NHEJ1: variants seen among roughly 807,000 people sequenced by gnomAD.
NHEJ1 encodes non-homologous end-joining factor 1.
In NHEJ1, 22 loss-of-function variants were observed where a neutral mutation model predicts 39.4. That is an observed-to-expected ratio of 0.56 (90% CI 0.40 to 0.80). The LOEUF (loss-of-function observed/expected upper bound fraction) is 0.80, where lower values mean the gene tolerates loss of function less well. Among genes scored for constraint, NHEJ1 ranks in the 30% least tolerant of loss-of-function variants. The probability of loss-of-function intolerance (pLI) is 0.00; values close to 1 mark genes in which losing one functional copy is unlikely to be tolerated. For missense variants in NHEJ1, 329 were observed against 357.1 expected (o/e 0.92, Z 0.63); for synonymous variants, 154 against 135.6 (o/e 1.14, Z -0.94).
chr2:219,129,618 C>A (rs561759531), intron 5 of NHEJ1, among the ~76,000 whole-genome samples: 25 of 152,338 alleles, frequency 1.6e-4, no homozygotes, highest in Middle Eastern at 3.4e-3. Context: ...GGACTCCCCC[C>A]ACTCCAGGCC....
At chr2:219,084,462 C>T (rs16859517) in intron 5 of NHEJ1, among the ~76,000 whole-genome samples, 9,083 of 152,262 alleles carry the variant, frequency 0.06, 869 homozygotes, top group East Asian at 0.46. Flanking sequence ...ACACAGAAAT[C>T]TACCCAGTAA....
At chr2:219,158,085 G>T in intron 2 of NHEJ1, 101 bp downstream of exon 2, 2 of 1,099,030 alleles carry the variant, frequency 1.8e-6, no homozygotes, top group South Asian at 1.2e-5. Context: ...ACATTAACTG[G>T]AATTGTCTCA....
At chr2:219,099,784 G>GGCAGAAAAGACA (rs1949239730) in intron 5 of NHEJ1, among the ~76,000 whole-genome samples, 1 of 152,190 alleles carries the variant, frequency 6.6e-6, no homozygotes, top group Admixed American at 6.6e-5. Context: ...CATGGGAAAA[G>GGCAGAAAAGACA]TCTTTAGGGG....
At chr2:219,154,252 T>C (rs187251883) in intron 3 of NHEJ1, among the ~76,000 whole-genome samples, 272 of 152,292 alleles carry the variant, frequency 1.8e-3, no homozygotes, top group Middle Eastern at 6.8e-3. Context: ...TACAGCATGA[T>C]ACTATTTGTC....
chr2:219,092,521 T>C (rs116569735), intron 5 of NHEJ1, among the ~76,000 whole-genome samples: 2,939 of 152,314 alleles, frequency 0.019, 107 homozygotes, highest in African/African-American at 0.067. Flanking sequence ...GTATCTGTGA[T>C]TTCTACTGGT....
intron 5 of NHEJ1, among the ~76,000 whole-genome samples, chr2:219,142,112 A>G (rs886799386): frequency 6.6e-6 from 1 of 151,980 alleles, no homozygotes; most frequent in Non-Finnish European, 1.5e-5. Context: ...AGTCAAATCA[A>G]TGTTAACTAT....
chr2:219,147,592 T>C lies in NHEJ1; in HGVS notation c.529+65A>G, dbSNP rs576486559. ...TCTCTAATGCAAATGAGTCTCCCTC[T>C]TTGCTAAGACCCTTTGACTATTTTT... On this transcript the variant is annotated intron_variant, in intron 4 of 7. Coordinates refer to ENST00000356853, the MANE Select transcript of NHEJ1 (RefSeq NM_024782.3). 26 of 1,607,106 alleles carry C rather than the reference T, an allele frequency of 1.6e-5. No individual in the cohort carries two copies. In the South Asian group the frequency reaches 2.8e-4, roughly 17 times the overall value.
At chr2:219,100,473 T>C (rs1037876994) in intron 5 of NHEJ1, among the ~76,000 whole-genome samples, 2 of 149,314 alleles carry the variant, frequency 1.3e-5, no homozygotes, top group African/African-American at 4.9e-5. Context: ...TAGCTGGGGA[T>C]GGTAGTGCAC....
chr2:219,083,274 C>T (rs1217018265), intron 5 of NHEJ1, among the ~76,000 whole-genome samples: 1 of 152,022 alleles, frequency 6.6e-6, no homozygotes, highest in Admixed American at 6.5e-5. Flanking sequence ...AATGAAATCC[C>T]TAAATCAAAG....
chr2:219,144,329 A>G (rs1949716362), intron 5 of NHEJ1, among the ~76,000 whole-genome samples: 1 of 152,214 alleles, frequency 6.6e-6, no homozygotes, highest in African/African-American at 2.4e-5. Context: ...TGCATTCAGC[A>G]TGGTCCTTGC....
chr2:219,158,748 C>T, intron 1 of NHEJ1: 1 of 273,302 alleles, frequency 3.7e-6, no homozygotes, highest in Non-Finnish European at 7.2e-6. Flanking sequence ...CACTCCTATC[C>T]TTTCCCAGAA....
At chr2:219,093,575 G>C (rs1439346998) in intron 5 of NHEJ1, among the ~76,000 whole-genome samples, 1 of 151,928 alleles carries the variant, frequency 6.6e-6, no homozygotes, top group South Asian at 2.1e-4. Flanking sequence ...CACTTCTGTG[G>C]AGAAGGGAAC....
intron 5 of NHEJ1, among the ~76,000 whole-genome samples, chr2:219,133,659 A>G (rs2106352489): frequency 6.6e-6 from 1 of 152,386 alleles, no homozygotes; most frequent in Non-Finnish European, 1.5e-5. Context: ...TATTTCTGTC[A>G]TAACAGAAAG....
intron 5 of NHEJ1, among the ~76,000 whole-genome samples, chr2:219,083,184 T>C (rs1949081475): frequency 1.3e-5 from 2 of 152,218 alleles, no homozygotes; most frequent in Admixed American, 1.3e-4. Flanking sequence ...TCTTGAAGTT[T>C]ACATTCTAGA....
intron 5 of NHEJ1, among the ~76,000 whole-genome samples, chr2:219,145,512 C>T (rs1949730551): frequency 6.6e-6 from 1 of 152,122 alleles, no homozygotes; most frequent in Admixed American, 6.5e-5. Flanking sequence ...ACCCTGTCCA[C>T]AAAGAGCTTA....
chr2:219,153,089 C>A (rs1313656115), intron 3 of NHEJ1, among the ~76,000 whole-genome samples: 1 of 152,134 alleles, frequency 6.6e-6, no homozygotes, highest in African/African-American at 2.4e-5. Context: ...AGGTGTGAGC[C>A]ACTGTGCCTG....
intron 3 of NHEJ1, among the ~76,000 whole-genome samples, chr2:219,153,670 T>C (rs1352097613): frequency 9.8e-6 from 1 of 102,482 alleles, no homozygotes; most frequent in Non-Finnish European, 1.8e-5. Flanking sequence ...TGAGACTTCA[T>C]CTCAAAAGAA....
At chr2:219,077,871 C>G (rs1194455684) in intron 6 of NHEJ1, among the ~76,000 whole-genome samples, 1 of 152,186 alleles carries the variant, frequency 6.6e-6, no homozygotes, top group Non-Finnish European at 1.5e-5. Flanking sequence ...TGGAAATGTT[C>G]TGTGTCTGCA....
intron 5 of NHEJ1, among the ~76,000 whole-genome samples, chr2:219,143,508 T>C (rs1949709816): frequency 6.6e-6 from 1 of 152,174 alleles, no homozygotes; most frequent in South Asian, 2.1e-4. Context: ...TGTCAAGAAA[T>C]GTGAGAAGTC....
Sources: allele counts gnomAD v4.1 joint callset (sites outside exome capture counted in the v4.1 genomes callset), GRCh38; gene constraint gnomAD v4.1.1; transcripts MANE v1.5; gene names NCBI Gene and HGNC (gene_info 2026-07-23, HGNC 2026-07-21).